The following RNF217 variants were observed in gnomAD, a reference collection of about 807,000 sequenced individuals.
RNF217 encodes the protein ring finger protein 217, also known as E3 ubiquitin-protein ligase RNF217.
In RNF217, 31 loss-of-function variants were observed where a neutral mutation model predicts 57.8. The ratio of observed to expected loss-of-function variants is 0.54; its 90% CI spans 0.40 to 0.72. RNF217 has a LOEUF of 0.72. RNF217 is among the 30% of genes least tolerant of loss of function. The pLI, the probability that RNF217 is intolerant of heterozygous loss-of-function variation, is 0.00. For missense variants in RNF217, 696 were observed against 708.3 expected (o/e 0.98, Z 0.20); for synonymous variants, 313 against 294.0 (o/e 1.06, Z -0.66).
chr6:125,016,338 G>A (rs1346179315), intron 1 of RNF217, among the ~76,000 whole-genome samples: 2 of 152,152 alleles, frequency 1.3e-5, no homozygotes, highest in East Asian at 3.9e-4. Flanking sequence ...AGAAGCTTGA[G>A]GGGAATACAT....
intron 3 of RNF217, among the ~76,000 whole-genome samples, chr6:125,076,054 T>C (rs1405476549): frequency 2.0e-5 from 3 of 152,084 alleles, no homozygotes; most frequent in Non-Finnish European, 4.4e-5. Flanking sequence ...ACTGCAACAA[T>C]AGAGGAAGGT....
intron 1 of RNF217, 57 bp from the exon 2 acceptor site, chr6:125,045,154 A>AG: frequency 8.8e-7 from 1 of 1,132,372 alleles, no homozygotes; most frequent in Non-Finnish European, 1.3e-6. Flanking sequence ...AAAAAAAAAA[A>AG]TGAAAGAAAA....
chr6:124,997,649 G>A lies in RNF217; in HGVS notation c.882+34223G>A, dbSNP rs560651694. Among the ~76,000 whole-genome samples the A allele has an allele frequency of 3.3e-5, 5 of 152,252 alleles. No homozygotes were observed. The South Asian group carries it at 6.2e-4, about 19-fold the overall frequency. ...ATCTGACGCATTGAGCACATTCATA[G>A]GTCCTTGGAAACAGCCTGTGGCGAT... On this transcript the variant is annotated intron_variant, in intron 1 of 5. Transcript: ENST00000521654.
At chr6:124,967,732 A>G (rs1187692752) in intron 1 of RNF217, among the ~76,000 whole-genome samples, 4 of 152,202 alleles carry the variant, frequency 2.6e-5, no homozygotes, top group African/African-American at 9.6e-5. Context: ...TCCTATTATT[A>G]AATTATGAGT....
intron 1 of RNF217, among the ~76,000 whole-genome samples, chr6:125,029,774 G>C (rs1188647012): frequency 3.9e-5 from 6 of 152,100 alleles, no homozygotes; most frequent in African/African-American, 1.2e-4. Context: ...TAGTTTTGAA[G>C]ATGAAAAGTT....
intron 1 of RNF217, among the ~76,000 whole-genome samples, chr6:124,988,026 T>TA (rs1784420564): frequency 6.6e-6 from 1 of 152,168 alleles, no homozygotes; most frequent in African/African-American, 2.4e-5. Context: ...TAGGAGGAGA[T>TA]AATGCTCGGG....
rs116812086 is a variant in RNF217 at position 125,029,775 on chromosome 6, A to G, written c.883-15436A>G. On this transcript the variant is annotated intron_variant, in intron 1 of 5. Coordinates refer to ENST00000521654, the MANE Select transcript of RNF217 (RefSeq NM_001286398.3). Reference sequence around the variant, plus strand: ...TTATATCTGTTAAGTAGTTTTGAAGATGAAAAGTTTTGGAATAAAAAAAAA... The same window carrying G: ...TTATATCTGTTAAGTAGTTTTGAAGGTGAAAAGTTTTGGAATAAAAAAAAA... Among the ~76,000 whole-genome samples the G allele has an allele frequency of 4.6e-3, 698 of 152,320 alleles. 12 individuals are homozygous for G. Among genetic ancestry groups the G allele is most frequent in the African/African-American group, 0.016 (660 of 41,574 alleles).
At chr6:124,996,790 TATAAC>T (rs1362658834) in intron 1 of RNF217, 1 of 152,252 alleles carries the variant, frequency 6.6e-6, no homozygotes, top group Non-Finnish European at 1.5e-5. Context: ...AGTTTTAAAA[TATAAC>T]ATTCCTCTTA....
At chr6:125,061,552 A>G (rs9401802) in intron 3 of RNF217, among the ~76,000 whole-genome samples, 12,611 of 149,162 alleles carry the variant, frequency 0.085, 636 homozygotes, top group African/African-American at 0.14. Flanking sequence ...AGATATTTAA[A>G]CTCCACTTCT....
At chr6:124,995,021 A>G (rs1784695186) in intron 1 of RNF217, among the ~76,000 whole-genome samples, 4 of 152,210 alleles carry the variant, frequency 2.6e-5, no homozygotes, top group Admixed American at 1.3e-4. Context: ...CCTAAGGATA[A>G]TTTATAGTTC....
intron 1 of RNF217, among the ~76,000 whole-genome samples, chr6:124,964,842 G>T (rs971359819): frequency 1.3e-5 from 2 of 152,158 alleles, no homozygotes; most frequent in Non-Finnish European, 2.9e-5. Flanking sequence ...ATATAAGCCC[G>T]CCTCCAGGGA....
chr6:125,023,023 A>G (rs1346084975), intron 1 of RNF217, among the ~76,000 whole-genome samples: 1 of 152,156 alleles, frequency 6.6e-6, no homozygotes, highest in African/African-American at 2.4e-5. Context: ...TCTGCCCTCA[A>G]AGAATTTATA....
intron 1 of RNF217, among the ~76,000 whole-genome samples, chr6:124,980,971 A>C (rs542534455): frequency 6.6e-6 from 1 of 152,342 alleles, no homozygotes; most frequent in South Asian, 2.1e-4. Flanking sequence ...ATTTTAGAAG[A>C]ACATAAACTC....
At chr6:125,043,694 G>A (rs1194415017) in intron 1 of RNF217, among the ~76,000 whole-genome samples, 2 of 151,886 alleles carry the variant, frequency 1.3e-5, no homozygotes, top group Non-Finnish European at 2.9e-5. Context: ...ATTCTAAAAC[G>A]TAATTTGAAT....
At chr6:125,022,103 G>A (rs762047089) in intron 1 of RNF217, among the ~76,000 whole-genome samples, 3 of 152,056 alleles carry the variant, frequency 2.0e-5, no homozygotes, top group South Asian at 4.2e-4. Context: ...GGCTGCTCTC[G>A]AACTCCTTAC....
intron 1 of RNF217, among the ~76,000 whole-genome samples, chr6:125,010,257 A>C (rs917752336): frequency 6.6e-6 from 1 of 152,118 alleles, no homozygotes; most frequent in Non-Finnish European, 1.5e-5. Flanking sequence ...TTTCCTCTTA[A>C]GAATTGCCAG....
chr6:125,068,691 C>A (rs1025604231), intron 3 of RNF217, among the ~76,000 whole-genome samples: 1 of 152,060 alleles, frequency 6.6e-6, no homozygotes, highest in African/African-American at 2.4e-5. Flanking sequence ...AAGGCAGGAG[C>A]CCTGTCAGAT....
At chr6:125,069,298 T>C (rs574671487) in intron 3 of RNF217, among the ~76,000 whole-genome samples, 2 of 152,274 alleles carry the variant, frequency 1.3e-5, no homozygotes, top group African/African-American at 4.8e-5. Flanking sequence ...TTTTGCAGCA[T>C]AGTCTACTGT....
intron 3 of RNF217, among the ~76,000 whole-genome samples, chr6:125,076,348 A>G (rs1411612082): frequency 2.0e-5 from 3 of 152,130 alleles, no homozygotes; most frequent in Admixed American, 2.0e-4. Flanking sequence ...ATTGCCTCCT[A>G]ACCGTTGAAT....
Sources: gnomAD v4.1 joint callset for allele counts (sites outside exome capture counted in the v4.1 genomes callset) on GRCh38, gnomAD v4.1.1 for gene constraint, MANE v1.5 for transcripts, NCBI Gene and HGNC (gene_info 2026-07-23, HGNC 2026-07-21) for gene names.